Variants in MON2 observed in about 807,000 individuals in gnomAD.
MON2 encodes the protein MON2 regulator of endosome-to-Golgi trafficking, also known as protein MON2 homolog.
In MON2, 84 loss-of-function variants were observed where a neutral mutation model predicts 208.6. The ratio of observed to expected loss-of-function variants is 0.40; its 90% CI spans 0.34 to 0.48. The LOEUF is 0.48. Ranked by LOEUF, MON2 falls within the 20% of genes least tolerant of loss-of-function variation. MON2 has a pLI of 0.59. For missense variants in MON2, 1,611 were observed against 2,015.4 expected, an observed-to-expected ratio of 0.80 and a Z score of 3.84; for synonymous variants, 660 against 694.0, an observed-to-expected ratio of 0.95 and a Z score of 0.77.
intron 2 of MON2, among the ~76,000 whole-genome samples, chr12:62,491,214 T>C (rs2070116262): frequency 6.6e-6 from 1 of 152,140 alleles, no homozygotes; most frequent in Non-Finnish European, 1.5e-5. Flanking sequence ...AAAGCACCAG[T>C]AACAAAACAT....
chr12:62,535,049 T>C, intron 13 of MON2, 123 bp downstream of exon 13: 1 of 706,268 alleles, frequency 1.4e-6, no homozygotes, highest in Non-Finnish European at 2.3e-6. Context: ...GTGTGAAACA[T>C]TATTCTTTTT....
At chr12:62,561,208 C>A in intron 26 of MON2, 95 bp downstream of exon 26, 1 of 1,057,596 alleles carries the variant, frequency 9.5e-7, no homozygotes, top group Non-Finnish European at 1.3e-6. Flanking sequence ...TTTAGATCAT[C>A]AAGATTGTTT....
In MON2 at chr12:62,588,289, A is replaced by G. The variant is rs1483240168; in HGVS notation, c.4990+133A>G. On this transcript the variant is annotated intron_variant, in intron 34 of 34. Transcript: ENST00000393630. ...ACTTCTTTTCTCCAGTTCTCATGAC[A>G]ACAAAGCATCAAGTCCATTAGGATG... is the stretch of plus-strand genomic sequence containing the variant. 5 of 607,330 alleles carry G rather than the reference A, an allele frequency of 8.2e-6. No homozygotes were observed. The East Asian group carries it at 1.6e-4, about 20-fold the overall frequency. The allele number at this position is 607,330 out of a possible 1,614,324, so 37.6% of individuals were successfully genotyped here.
In MON2 at chr12:62,560,982, G is replaced by A. The variant is rs1044632381; in HGVS notation, c.3901G>A (p.Val1301Ile). Reference sequence around the variant, plus strand: ...TATGGATGACTTGCAAAAGTTGGGAGTCATATTGCACAGTGCTATTTCAGT... The same window carrying A: ...TATGGATGACTTGCAAAAGTTGGGAATCATATTGCACAGTGCTATTTCAGT... ...FNMDDLQKLG[V>I]ILHSAISVPI... Residue 1301 changes from valine (V) to isoleucine (I), a missense_variant, in exon 26 of 35, where the codon GTC (valine) becomes ATC (isoleucine). Coordinates refer to ENST00000393630, the MANE Select transcript of MON2 (RefSeq NM_015026.3). 1 of 1,613,974 alleles carries A rather than the reference G, an allele frequency of 6.2e-7. No individual in the cohort carries two copies. The highest frequency in any genetic ancestry group is 1.3e-5 in the African/African-American group (1 of 75,046).
chr12:62,579,227 G>C (rs956862135), intron 31 of MON2, among the ~76,000 whole-genome samples: 18 of 150,714 alleles, frequency 1.2e-4, no homozygotes, highest in African/African-American at 4.1e-4. Flanking sequence ...CTGGGCAACA[G>C]AGCAAGACCC....
intron 33 of MON2, among the ~76,000 whole-genome samples, chr12:62,587,578 TAA>T (rs559589798): frequency 3.5e-5 from 5 of 140,952 alleles, no homozygotes; most frequent in African/African-American, 5.2e-5. Context: ...GTTTCTACTT[TAA>T]AAAAAAAAAA....
intron 19 of MON2, among the ~76,000 whole-genome samples, chr12:62,542,677 C>A (rs1434475520): frequency 3.3e-5 from 5 of 152,176 alleles, no homozygotes; most frequent in Admixed American, 6.5e-5. Context: ...CAGCCCTGAT[C>A]TCTGCTATAG....
intron 12 of MON2, among the ~76,000 whole-genome samples, chr12:62,534,211 C>T (rs2072793857): frequency 6.9e-6 from 1 of 144,428 alleles, no homozygotes; most frequent in Admixed American, 6.9e-5. Flanking sequence ...AGTAACATAA[C>T]AAGACCCTGT....
At chr12:62,539,941 C>T (rs1167642977) in intron 19 of MON2, among the ~76,000 whole-genome samples, 1 of 151,854 alleles carries the variant, frequency 6.6e-6, no homozygotes, top group East Asian at 1.9e-4. Flanking sequence ...TGCGCTCCAG[C>T]CTGGGCGACA....
rs1415295908 is a variant in MON2 at position 62,485,141 on chromosome 12, T to C, written c.175+908T>C. 2.0e-5 allele frequency among the ~76,000 whole-genome samples: 3 copies of C among 152,198 alleles called. No homozygotes were observed. In the East Asian group the frequency reaches 5.8e-4, roughly 29 times the overall value. ...TTCTTCCTGCTACAGTGTGCTACCA[T>C]GGTATCACCAGGTTTCCACGTTAGC... On this transcript the variant is annotated intron_variant, in intron 2 of 34. Transcript: ENST00000393630.
intron 25 of MON2, among the ~76,000 whole-genome samples, chr12:62,556,767 G>C (rs1364693229): frequency 6.6e-6 from 1 of 152,128 alleles, no homozygotes; most frequent in Non-Finnish European, 1.5e-5. Flanking sequence ...TCCAGATCAT[G>C]TAGAATGTGT....
chr12:62,507,529 G>A (rs2071169173), intron 7 of MON2, among the ~76,000 whole-genome samples: 1 of 151,806 alleles, frequency 6.6e-6, no homozygotes, highest in Admixed American at 6.6e-5. Context: ...GTGTTGCTCA[G>A]GCTGGTCTTG....
intron 23 of MON2, among the ~76,000 whole-genome samples, chr12:62,550,731 A>G (rs551338587): frequency 6.6e-6 from 1 of 152,206 alleles, no homozygotes; most frequent in African/African-American, 2.4e-5. Flanking sequence ...CTAGCTTCAG[A>G]CTTTTCTTCT....
chr12:62,587,172 T>C (rs2136492464), intron 33 of MON2, among the ~76,000 whole-genome samples: 1 of 152,312 alleles, frequency 6.6e-6, no homozygotes, highest in South Asian at 2.1e-4. Flanking sequence ...TTACTCCAAG[T>C]TCATTCTTCA....
Position 62,508,283 on chromosome 12 carries a change from T to C in MON2, c.790-3T>C, listed in dbSNP as rs1052338744. 6.2e-7 allele frequency: 1 copy of C among 1,605,394 alleles called. No individual in the cohort carries two copies. The highest frequency in any genetic ancestry group is 1.7e-5 in the Admixed American group (1 of 58,770). Reference sequence around the variant, plus strand: ...TTTTTCTTTCTTTTTTCCTTGCAAATAGCACCAAGAATTTAGTTTCCTCCT... The same window carrying C: ...TTTTTCTTTCTTTTTTCCTTGCAAACAGCACCAAGAATTTAGTTTCCTCCT... On this transcript the variant is annotated splice_region_variant and splice_polypyrimidine_tract_variant and intron_variant, in intron 7 of 34. Coordinates refer to ENST00000393630, the MANE Select transcript of MON2 (RefSeq NM_015026.3).
rs752249320 is a variant in MON2, at chr12:62,499,034, A to G, written c.551A>G (p.Asp184Gly). The change falls in exon 5 of 35, where the codon GAT (aspartate) becomes GGT (glycine). Residue 184 changes from aspartate (D) to glycine (G), a missense_variant. Physicochemically the swap from Asp to Gly is moderately conservative, Grantham distance 94 (BLOSUM62 -1). Coordinates refer to ENST00000393630, the MANE Select transcript of MON2 (RefSeq NM_015026.3). The part of the protein sequence containing the change: ...TVVFERMVAE[D>G]ERHRDIIEQP... ...GTTTTTGAGAGGATGGTTGCTGAAG[A>G]TGAACGACACAGAGGTAAAGTGCTA... 4 of 1,613,056 alleles carry G rather than the reference A, an allele frequency of 2.5e-6. No individual in the cohort carries two copies. The highest frequency in any genetic ancestry group is 1.7e-4 in the Middle Eastern group (1 of 6,022).
chr12:62,596,953 C>T lies in MON2; in HGVS notation c.*4204C>T, dbSNP rs893586822. ...TCTATATGAATATTCTTGGTCATCT[C>T]GACTAATTCTGAGGCAATGATGGAC... is the stretch of plus-strand genomic sequence containing the variant. On this transcript the variant is annotated 3_prime_UTR_variant, in exon 35 of 35. Coordinates refer to ENST00000393630, the MANE Select transcript of MON2 (RefSeq NM_015026.3). 1 of 152,132 alleles carries T rather than the reference C, an allele frequency of 6.6e-6. No individual in the cohort carries two copies. The highest frequency in any genetic ancestry group is 1.5e-5 in the Non-Finnish European group (1 of 68,018). 9.4% of individuals were successfully genotyped at this position (152,132 alleles called of 1,614,324 possible). A position where few individuals can be genotyped will look rare whatever the true frequency, so the allele number is the denominator to read the frequency against.
Position 62,594,618 on chromosome 12 carries a change from A to G in MON2, c.*1869A>G, listed in dbSNP as rs1366296779. The G allele has an allele frequency of 1.3e-5, 2 of 152,254 alleles. No individual in the cohort carries two copies. The highest frequency in any genetic ancestry group is 2.9e-5 in the Non-Finnish European group (2 of 68,040). 9.4% of individuals were successfully genotyped at this position (152,254 alleles called of 1,614,324 possible). A position where few individuals can be genotyped will look rare whatever the true frequency, so the allele number is the denominator to read the frequency against. ...TCAGTAACATGTTAAAAATATTGCT[A>G]TGCATTTATTCAAAGGAAAATGGTC... On this transcript the variant is annotated 3_prime_UTR_variant, in exon 35 of 35. Transcript: ENST00000393630.
rs777604480 is a variant in MON2 at position 62,508,438 on chromosome 12, G to C, written c.942G>C (p.Leu314=). ...ATTTTCCTATCTGCATGCGTTTGCT[G>C]AGAGTAGTATCTGTTCTGATTAAGC... is the stretch of plus-strand genomic sequence containing the variant. ...KPYFPICMRL[L]RVVSVLIKQF... Residue 314 remains leucine, a synonymous_variant, in exon 8 of 35, where the codon CTG becomes CTC. Transcript: ENST00000393630. 1.1e-5 allele frequency: 17 copies of C among 1,613,982 alleles called. No homozygotes were observed. The highest frequency in any genetic ancestry group is 1.4e-5 in the Non-Finnish European group (17 of 1,180,004).
Sources: allele counts gnomAD v4.1 joint callset (sites outside exome capture counted in the v4.1 genomes callset), GRCh38; gene constraint gnomAD v4.1.1; transcripts MANE v1.5; gene names NCBI Gene and HGNC (gene_info 2026-07-23, HGNC 2026-07-21).